IL1RAPL2: variants seen among roughly 807,000 people sequenced by gnomAD.
IL1RAPL2 encodes the protein interleukin 1 receptor accessory protein like 2.
Under a neutral mutation model 44.1 loss-of-function variants are expected in IL1RAPL2, and 3 were observed. The ratio of observed to expected loss-of-function variants is 0.07; its 90% confidence interval spans 0.03 to 0.18. The LOEUF is 0.18. Among genes scored for constraint, IL1RAPL2 ranks in the 10% least tolerant of loss-of-function variants. The probability of loss-of-function intolerance (pLI) is 1.00; values close to 1 mark genes in which losing one functional copy is unlikely to be tolerated. For synonymous variants in IL1RAPL2, 181 were observed against 178.8 expected (o/e 1.01, Z -0.10); for missense variants, 391 against 496.4 (o/e 0.79, Z 2.02).
chrX:104,853,227 T>A (rs2147643195), intron 2 of IL1RAPL2, among the ~76,000 whole-genome samples: 1 of 112,092 alleles, frequency 8.9e-6, no homozygotes, highest in Non-Finnish European at 1.9e-5. Flanking sequence ...TGAAGAATAA[T>A]ATGTACATAA....
chrX:105,389,655 G>T (rs778022826), intron 5 of IL1RAPL2, among the ~76,000 whole-genome samples: 1 of 111,504 alleles, frequency 9.0e-6, no homozygotes, highest in Non-Finnish European at 1.9e-5. Flanking sequence ...ACAGAGGATG[G>T]TTCACTTTGC....
chrX:104,840,784 C>G (rs186902152), intron 2 of IL1RAPL2, among the ~76,000 whole-genome samples: 49 of 109,832 alleles, frequency 4.5e-4, no homozygotes, highest in Non-Finnish European at 8.5e-4. Flanking sequence ...AAGCGATTTT[C>G]CTGCCTCAGC....
intron 2 of IL1RAPL2, among the ~76,000 whole-genome samples, chrX:105,036,646 A>C (rs2031634240): frequency 8.9e-6 from 1 of 112,213 alleles, no homozygotes; most frequent in Admixed American, 9.5e-5. Context: ...TCTGTCCTGC[A>C]CCTGCTCTAA....
Position 104,689,873 on chromosome X carries a change from G to C in IL1RAPL2, c.82+30878G>C, listed in dbSNP as rs184543338. Among the ~76,000 whole-genome samples, 9 of 111,872 alleles carry C rather than the reference G, an allele frequency of 8.0e-5. No individual in the cohort carries two copies. In the Admixed American group the frequency reaches 8.5e-4, roughly 11 times the overall value. On this transcript the variant is annotated intron_variant, in intron 2 of 10. Transcript: ENST00000372582. ...GACCTCAAAGGTATTTAAAATATAG[G>C]TGAAAAGAACTACATTAATAAGGCA...
intron 1 of IL1RAPL2, among the ~76,000 whole-genome samples, chrX:104,643,214 AG>A (rs1482343921): frequency 2.7e-5 from 3 of 111,796 alleles, no homozygotes; most frequent in Admixed American, 9.5e-5. Context: ...TGGGAGAAAG[AG>A]GTAAATTTTT....
rs765665735 is a variant in IL1RAPL2 at position 105,715,662 on chromosome X, T to C, written c.773-1705T>C. Among the ~76,000 whole-genome samples, 11 of 111,446 alleles carry C rather than the reference T, an allele frequency of 9.9e-5. No homozygotes were observed. The East Asian group carries it at 3.1e-3, about 32-fold the overall frequency. The stretch of plus-strand genomic sequence containing the variant: ...ACCAAATGTGGATATTCAGGGTACA[T>C]GGGCTTGAGTTTAGGATCTATGTGA... On this transcript the variant is annotated intron_variant, in intron 6 of 10. Coordinates refer to ENST00000372582, the MANE Select transcript of IL1RAPL2 (RefSeq NM_017416.2).
intron 2 of IL1RAPL2, among the ~76,000 whole-genome samples, chrX:104,919,455 C>T (rs1382017867): frequency 9.2e-6 from 1 of 108,581 alleles, no homozygotes; most frequent in African/African-American, 3.4e-5. Flanking sequence ...AAACTCCTGA[C>T]CTCAGGTGAT....
At chrX:105,587,415 C>T (rs1021317825) in intron 6 of IL1RAPL2, among the ~76,000 whole-genome samples, 2 of 110,772 alleles carry the variant, frequency 1.8e-5, no homozygotes, top group Admixed American at 9.6e-5. Context: ...TTTCTTTGAG[C>T]CTTTTATTTG....
At chrX:105,381,916 A>G (rs1210493175) in intron 5 of IL1RAPL2, among the ~76,000 whole-genome samples, 1 of 112,097 alleles carries the variant, frequency 8.9e-6, no homozygotes, top group Non-Finnish European at 1.9e-5. Flanking sequence ...GGCTAGCCAC[A>G]TGTAGAAAGC....
At chrX:105,522,636 A>G (rs2036568051) in intron 6 of IL1RAPL2, among the ~76,000 whole-genome samples, 1 of 112,233 alleles carries the variant, frequency 8.9e-6, no homozygotes, top group Non-Finnish European at 1.9e-5. Context: ...GGGAGCTTTA[A>G]AAGGTATTCT....
intron 5 of IL1RAPL2, among the ~76,000 whole-genome samples, chrX:105,442,060 AT>A (rs1276234341): frequency 1.8e-5 from 2 of 109,667 alleles, no homozygotes; most frequent in Non-Finnish European, 1.9e-5. Context: ...ATTTTATTTT[AT>A]TTTATTTTTT....
chrX:104,874,021 A>G (rs1922832151), intron 2 of IL1RAPL2, among the ~76,000 whole-genome samples: 1 of 110,872 alleles, frequency 9.0e-6, no homozygotes, highest in African/African-American at 3.3e-5. Context: ...TCTTCTACCC[A>G]CAAATCACGT....
At chrX:104,625,158 T>C (rs1929476526) in intron 1 of IL1RAPL2, among the ~76,000 whole-genome samples, 1 of 111,737 alleles carries the variant, frequency 8.9e-6, no homozygotes, top group African/African-American at 3.2e-5. Flanking sequence ...TGCAACATCA[T>C]ACCCCATGGA....
At position 104,580,877 on chromosome X, in the gene IL1RAPL2, A is replaced by G. The variant is rs150711267; in HGVS notation, c.-20+13826A>G. Among the ~76,000 whole-genome samples the G allele has an allele frequency of 3.5e-3, 395 of 112,121 alleles. 2 individuals are homozygous for G. The highest frequency in any genetic ancestry group is 0.012 in the African/African-American group (369 of 30,913). On this transcript the variant is annotated intron_variant, in intron 1 of 10. Transcript: ENST00000372582. ...CACCTTGAGCCAACCACTGACCTCT[A>G]TGCCTGAGTTTGGCACCTGCCAAGT...
intron 2 of IL1RAPL2, among the ~76,000 whole-genome samples, chrX:104,771,997 A>G (rs1201011536): frequency 2.7e-5 from 3 of 111,926 alleles, no homozygotes; most frequent in African/African-American, 9.8e-5. Context: ...ATATATCCCC[A>G]TTTTGAAGAC....
intron 4 of IL1RAPL2, among the ~76,000 whole-genome samples, chrX:105,252,942 T>A (rs955493565): frequency 5.4e-5 from 6 of 110,672 alleles, no homozygotes; most frequent in Non-Finnish European, 9.4e-5. Flanking sequence ...ATTTGGAACT[T>A]TTTTGTCTAC....
At chrX:105,542,802 C>T (rs1210648099) in intron 6 of IL1RAPL2, among the ~76,000 whole-genome samples, 10 of 101,467 alleles carry the variant, frequency 9.9e-5, no homozygotes, top group African/African-American at 3.2e-4. Flanking sequence ...GGCGGGATCT[C>T]GGCTCACTGC....
intron 6 of IL1RAPL2, among the ~76,000 whole-genome samples, chrX:105,683,489 G>A (rs189593844): frequency 5.4e-5 from 6 of 110,276 alleles, no homozygotes; most frequent in Admixed American, 4.9e-4. Flanking sequence ...ATCAATAAGT[G>A]TGCATTTTAA....
At chrX:104,910,209 G>A (rs192333510) in intron 2 of IL1RAPL2, among the ~76,000 whole-genome samples, 6 of 111,898 alleles carry the variant, frequency 5.4e-5, no homozygotes, top group East Asian at 5.7e-4. Flanking sequence ...GCCATGCTTC[G>A]GCTCGCTCAC....
Sources: allele counts gnomAD v4.1 joint callset (sites outside exome capture counted in the v4.1 genomes callset), GRCh38; gene constraint gnomAD v4.1.1; transcripts MANE v1.5; gene names NCBI Gene and HGNC (gene_info 2026-07-23, HGNC 2026-07-21).